Variants in GUCY1A2 observed in about 807,000 individuals in gnomAD.
GUCY1A2 encodes the protein guanylate cyclase soluble subunit alpha-2.
In GUCY1A2, 27 loss-of-function variants were observed where a neutral mutation model predicts 63.5. The observed-to-expected ratio is 0.43, with a 90% CI of 0.31 to 0.59. The LOEUF (loss-of-function observed/expected upper bound fraction) is 0.59, where lower values mean the gene tolerates loss of function less well. GUCY1A2 is among the 20% of genes least tolerant of loss of function. The probability of loss-of-function intolerance (pLI) is 0.11; values close to 1 mark genes in which losing one functional copy is unlikely to be tolerated. For synonymous variants in GUCY1A2, 364 were observed against 343.5 expected (o/e 1.06, Z -0.66); for missense variants, 768 against 913.3 (o/e 0.84, Z 2.05).
At chr11:106,928,429 C>T (rs1860557458) in intron 4 of GUCY1A2, among the ~76,000 whole-genome samples, 1 of 151,946 alleles carries the variant, frequency 6.6e-6, no homozygotes, top group Admixed American at 6.6e-5. Context: ...TTGGAATCAA[C>T]TTCCACTGCT....
At chr11:106,976,123 A>G (rs944931142) in intron 3 of GUCY1A2, among the ~76,000 whole-genome samples, 3 of 152,138 alleles carry the variant, frequency 2.0e-5, no homozygotes, top group African/African-American at 7.2e-5. Flanking sequence ...ACTCTAATAC[A>G]ACCCTGTAAT....
At chr11:106,752,943 C>G (rs957520102) in intron 6 of GUCY1A2, among the ~76,000 whole-genome samples, 7 of 152,138 alleles carry the variant, frequency 4.6e-5, no homozygotes, top group Non-Finnish European at 7.3e-5. Context: ...ACACTGTCTT[C>G]CACAATGGTT....
intron 4 of GUCY1A2, among the ~76,000 whole-genome samples, chr11:106,898,110 G>C (rs1399668200): frequency 5.9e-5 from 9 of 152,118 alleles, no homozygotes; most frequent in Admixed American, 5.9e-4. Context: ...CACATCATAT[G>C]GCATCAGGGA....
chr11:106,750,794 C>CT (rs67195202), intron 6 of GUCY1A2, among the ~76,000 whole-genome samples: 4,031 of 148,554 alleles, frequency 0.027, 99 homozygotes, highest in Middle Eastern at 0.042. Flanking sequence ...ATGCGATTTC[C>CT]TTTTTTTTTT....
rs535809727 is a variant in GUCY1A2 at position 106,677,692 on chromosome 11, A to G, written c.*9857T>C. On this transcript the variant is annotated 3_prime_UTR_variant, in exon 8 of 8. Transcript: ENST00000526355. ...TGTGTTTAAAAATCTATTTATCCTTACCATCTATTTTCAGCTTGCCTCTAG... is the reference window on the plus strand; with the variant it reads ...TGTGTTTAAAAATCTATTTATCCTTGCCATCTATTTTCAGCTTGCCTCTAG... 4.8e-6 allele frequency: 1 copy of G among 209,592 alleles called. No individual in the cohort carries two copies. The highest frequency in any genetic ancestry group is 2.3e-5 in the African/African-American group (1 of 44,150). The allele number at this position is 209,592 out of a possible 1,614,324, so 13.0% of individuals were successfully genotyped here. A position where few individuals can be genotyped will look rare whatever the true frequency, so the allele number is the denominator to read the frequency against.
intron 4 of GUCY1A2, among the ~76,000 whole-genome samples, chr11:106,884,583 G>A (rs1469584997): frequency 6.6e-6 from 1 of 151,988 alleles, no homozygotes; most frequent in Non-Finnish European, 1.5e-5. Context: ...GAAAACACAG[G>A]AAAAGGGGTT....
chr11:106,803,661 C>G (rs943362182), intron 5 of GUCY1A2, among the ~76,000 whole-genome samples: 1 of 152,106 alleles, frequency 6.6e-6, no homozygotes, highest in Non-Finnish European at 1.5e-5. Flanking sequence ...ACATAAATCT[C>G]ATTTAAAAGC....
intron 3 of GUCY1A2, among the ~76,000 whole-genome samples, chr11:106,973,669 T>A (rs1178605560): frequency 6.6e-6 from 1 of 151,910 alleles, no homozygotes; most frequent in Non-Finnish European, 1.5e-5. Flanking sequence ...GAACATGAGG[T>A]TTGGAATCAG....
intron 4 of GUCY1A2, among the ~76,000 whole-genome samples, chr11:106,915,195 A>T (rs1436130886): frequency 6.6e-6 from 1 of 152,236 alleles, no homozygotes; most frequent in Admixed American, 6.5e-5. Flanking sequence ...AAGGTAAAAT[A>T]AAATATTGTA....
At chr11:106,945,123 C>T (rs1191334226) in intron 3 of GUCY1A2, among the ~76,000 whole-genome samples, 1 of 150,432 alleles carries the variant, frequency 6.6e-6, no homozygotes, top group Non-Finnish European at 1.5e-5. Context: ...CACACACACA[C>T]ACCCCTAAGA....
intron 4 of GUCY1A2, among the ~76,000 whole-genome samples, chr11:106,920,631 G>C (rs1024446500): frequency 1.3e-5 from 2 of 151,956 alleles, no homozygotes; most frequent in Admixed American, 6.6e-5. Context: ...ATTTCCATTT[G>C]TTTATCATTC....
At chr11:106,811,766 T>G (rs1393258191) in intron 4 of GUCY1A2, among the ~76,000 whole-genome samples, 2 of 152,072 alleles carry the variant, frequency 1.3e-5, no homozygotes, top group Non-Finnish European at 2.9e-5. Flanking sequence ...GTTCAGTATT[T>G]CATCCTTTTA....
At chr11:106,986,198 C>T (rs992541730) in intron 1 of GUCY1A2, 67 bp from the exon 2 acceptor site, 3 of 797,142 alleles carry the variant, frequency 3.8e-6, no homozygotes, top group Non-Finnish European at 2.2e-6. Context: ...CTGTGAGTAT[C>T]GTAGGCAGAC....
At chr11:106,950,785 A>C (rs1260149036) in intron 3 of GUCY1A2, among the ~76,000 whole-genome samples, 2 of 152,082 alleles carry the variant, frequency 1.3e-5, no homozygotes, top group Non-Finnish European at 2.9e-5. Flanking sequence ...AATTTCTTCT[A>C]AAAAAATGGG....
rs555482162 is a variant in GUCY1A2, at chr11:106,780,916, C to G, written c.1693-4334G>C. On this transcript the variant is annotated intron_variant, in intron 5 of 7. Coordinates refer to ENST00000526355, the MANE Select transcript of GUCY1A2 (RefSeq NM_000855.3). ...CTCCATTTTTCTCTCTTCTCTCTTC[C>G]TCTAAGGCAGCTCTATACAAGTTTA... 4.6e-4 allele frequency among the ~76,000 whole-genome samples: 70 copies of G among 152,070 alleles called. 1 individual carries two copies. Among genetic ancestry groups the G allele is most frequent in the African/African-American group, 1.4e-3 (60 of 41,496 alleles).
chr11:106,824,010 C>G (rs1232960158), intron 4 of GUCY1A2: 19 of 1,211,946 alleles, frequency 1.6e-5, no homozygotes, highest in Non-Finnish European at 2.2e-5. Flanking sequence ...ATTTGTTTTC[C>G]GTGATTCCTT....
intron 4 of GUCY1A2, chr11:106,827,968 C>T (rs749621093): frequency 1.0e-5 from 9 of 887,876 alleles, no homozygotes; most frequent in South Asian, 5.6e-5. Context: ...GAAGCAGCCG[C>T]GAGGCGGTCA....
chr11:106,695,241 C>T (rs190330244), intron 7 of GUCY1A2, among the ~76,000 whole-genome samples: 347 of 152,130 alleles, frequency 2.3e-3, no homozygotes, highest in African/African-American at 8.1e-3. Flanking sequence ...GAAGAGAGGA[C>T]GGTGGCAAGT....
At chr11:106,874,832 C>T (rs1005954903) in intron 4 of GUCY1A2, among the ~76,000 whole-genome samples, 42 of 152,016 alleles carry the variant, frequency 2.8e-4, no homozygotes, top group Non-Finnish European at 5.7e-4. Context: ...GTTAAAGTTT[C>T]TCCCTAAGCA....
Sources: allele counts gnomAD v4.1 joint callset (sites outside exome capture counted in the v4.1 genomes callset), GRCh38; gene constraint gnomAD v4.1.1; transcripts MANE v1.5; gene names NCBI Gene and HGNC (gene_info 2026-07-23, HGNC 2026-07-21).